The following BLTP3A variants were observed in gnomAD, a reference collection of about 807,000 sequenced individuals.
BLTP3A encodes the protein bridge-like lipid transfer protein family member 3A, also known as ICBP90 binding protein 1.
chr6:34,873,903 A>G, the BLTP3A span: 24 of 152,550 alleles, frequency 1.6e-4, no homozygotes, highest in Admixed American at 1.4e-3. Context: ...TTCCTTCTCC[A>G]CTCTCAACAC....
the BLTP3A span, among the ~76,000 whole-genome samples, chr6:34,825,761 T>A: frequency 6.6e-6 from 1 of 152,196 alleles, no homozygotes; most frequent in Non-Finnish European, 1.5e-5. Flanking sequence ...AATCAGACCA[T>A]AGCACTGAGT....
At chr6:34,803,246 GGAATT>G in the BLTP3A span, among the ~76,000 whole-genome samples, 2 of 151,062 alleles carry the variant, frequency 1.3e-5, no homozygotes, top group African/African-American at 4.9e-5. Flanking sequence ...AAAAAAAAAA[GGAATT>G]GAGTTGAGTC....
chr6:34,811,781 C>T, the BLTP3A span, among the ~76,000 whole-genome samples: 1 of 151,276 alleles, frequency 6.6e-6, no homozygotes, highest in Non-Finnish European at 1.5e-5. Context: ...ATCGCTTGAA[C>T]CCAGGAGGTG....
the BLTP3A span, chr6:34,835,386 G>A: frequency 6.2e-7 from 1 of 1,614,166 alleles, no homozygotes; most frequent in Non-Finnish European, 8.5e-7. Context: ...AGGCTATGAT[G>A]AAGTATGCAG....
chr6:34,835,506 A>C, the BLTP3A span: 1 of 1,589,036 alleles, frequency 6.3e-7, no homozygotes, highest in Non-Finnish European at 8.6e-7. Flanking sequence ...CTAGGGACTC[A>C]GTAGGCCAGA....
At chr6:34,869,625 TG>T in the BLTP3A span, among the ~76,000 whole-genome samples, 1 of 150,104 alleles carries the variant, frequency 6.7e-6, no homozygotes, top group Non-Finnish European at 1.5e-5. Flanking sequence ...ATAATGTTAT[TG>T]TATACATACA....
the BLTP3A span, chr6:34,858,593 CAG>C: frequency 2.5e-6 from 4 of 1,614,136 alleles, no homozygotes; most frequent in East Asian, 2.2e-5. Flanking sequence ...CTTTTGGCCT[CAG>C]AGGGGAGGCT....
chr6:34,799,130 C>A, the BLTP3A span, among the ~76,000 whole-genome samples: 1 of 151,970 alleles, frequency 6.6e-6, no homozygotes, highest in Non-Finnish European at 1.5e-5. Context: ...TTAGTAGAGA[C>A]AGGGTTTCAC....
chr6:34,857,881 A>G, the BLTP3A span: 1 of 1,614,070 alleles, frequency 6.2e-7, no homozygotes, highest in Non-Finnish European at 8.5e-7. Context: ...AGAAAGATGA[A>G]CACTTGGACA....
At chr6:34,871,591 T>TC in the BLTP3A span, 8 of 1,612,336 alleles carry the variant, frequency 5.0e-6, no homozygotes, top group Middle Eastern at 2.0e-4. Context: ...CAGGATGATA[T>TC]CCCCCCCATC....
At chr6:34,804,949 C>T in the BLTP3A span, among the ~76,000 whole-genome samples, 2 of 151,900 alleles carry the variant, frequency 1.3e-5, no homozygotes, top group East Asian at 1.9e-4. Flanking sequence ...TATAAAGTGG[C>T]GATAATAGTA....
chr6:34,799,918 A>G, the BLTP3A span, among the ~76,000 whole-genome samples: 2 of 150,190 alleles, frequency 1.3e-5, no homozygotes, highest in Non-Finnish European at 1.5e-5. Context: ...TTTTTTTTTC[A>G]TTATCTTCAA....
the BLTP3A span, among the ~76,000 whole-genome samples, chr6:34,868,592 C>A: frequency 1.7e-3 from 258 of 151,664 alleles, no homozygotes; most frequent in African/African-American, 5.9e-3. Flanking sequence ...GGTGTGGTGG[C>A]AGGCACCTGT....
chr6:34,865,048 C>T, the BLTP3A span, among the ~76,000 whole-genome samples: 33 of 152,216 alleles, frequency 2.2e-4, no homozygotes, highest in Admixed American at 1.8e-3. Context: ...TAATACTAAG[C>T]GATCCTATGA....
At chr6:34,801,447 A>G in the BLTP3A span, among the ~76,000 whole-genome samples, 1 of 152,136 alleles carries the variant, frequency 6.6e-6, no homozygotes, top group Admixed American at 6.6e-5. Context: ...TCCTTGGAGT[A>G]AGTTCCTTTA....
At chr6:34,818,516 C>T in the BLTP3A span, among the ~76,000 whole-genome samples, 6 of 151,630 alleles carry the variant, frequency 4.0e-5, no homozygotes, top group African/African-American at 1.2e-4. Flanking sequence ...ATAGCATTCC[C>T]AACACTAAGT....
the BLTP3A span, chr6:34,835,434 A>G: frequency 8.1e-6 from 13 of 1,614,078 alleles, no homozygotes; most frequent in African/African-American, 2.7e-5. Flanking sequence ...CAGCCCATCA[A>G]AGAAAGAGCC....
the BLTP3A span, among the ~76,000 whole-genome samples, chr6:34,798,535 C>T: frequency 2.0e-5 from 3 of 150,116 alleles, no homozygotes; most frequent in African/African-American, 7.4e-5. Flanking sequence ...ATTTTATATC[C>T]TTGCCAGTGC....
chr6:34,858,201 G>T, the BLTP3A span: 2 of 1,614,156 alleles, frequency 1.2e-6, no homozygotes, highest in Non-Finnish European at 1.7e-6. Flanking sequence ...CGTCAGGCAT[G>T]ATTGCCACCA....
Sources: allele counts gnomAD v4.1 joint callset (sites outside exome capture counted in the v4.1 genomes callset), GRCh38; gene constraint gnomAD v4.1.1; transcripts MANE v1.5; gene names NCBI Gene and HGNC (gene_info 2026-07-23, HGNC 2026-07-21).